MVB12B: variants seen among roughly 807,000 people sequenced by gnomAD.
MVB12B encodes ESCRT-I complex subunit MVB12B.
In MVB12B, 16 loss-of-function variants were observed where a neutral mutation model predicts 41.6. The observed-to-expected ratio is 0.38, with a 90% confidence interval of 0.26 to 0.58. The LOEUF (loss-of-function observed/expected upper bound fraction) is 0.58, where lower values mean the gene tolerates loss of function less well. Among genes scored for constraint, MVB12B ranks in the 20% least tolerant of loss-of-function variants. The pLI, the probability that MVB12B is intolerant of heterozygous loss-of-function variation, is 0.62. For synonymous variants in MVB12B, 133 were observed against 139.7 expected, an observed-to-expected ratio of 0.95 and a Z score of 0.34; for missense variants, 274 against 380.2, an observed-to-expected ratio of 0.72 and a Z score of 2.32.
rs184170867 is a variant in MVB12B, at chr9:126,503,728, C to T, written c.*465C>T. On this transcript the variant is annotated 3_prime_UTR_variant, in exon 10 of 10. Transcript: ENST00000361171. ...AGCTTTGCCTAGGACTCTCCAGGGT[C>T]GCTGATCCTCCCCGGCCCAGGGCTG... 19 of 169,328 alleles carry T rather than the reference C, an allele frequency of 1.1e-4. No individual in the cohort carries two copies. Among genetic ancestry groups the T allele is most frequent in the Middle Eastern group, 2.5e-3 (1 of 402 alleles). 10.5% of individuals were successfully genotyped at this position (169,328 alleles called of 1,614,324 possible). A position where few individuals can be genotyped will look rare whatever the true frequency, so the allele number is the denominator to read the frequency against.
chr9:126,385,776 A>G (rs1830770341), intron 3 of MVB12B, among the ~76,000 whole-genome samples: 1 of 152,210 alleles, frequency 6.6e-6, no homozygotes, highest in Non-Finnish European at 1.5e-5. Context: ...TGAAATCTCC[A>G]AAGTGGCCCC....
intron 8 of MVB12B, among the ~76,000 whole-genome samples, 171 bp from the exon 9 acceptor site, chr9:126,483,802 G>C (rs1448295475): frequency 6.6e-6 from 1 of 152,148 alleles, no homozygotes; most frequent in South Asian, 2.1e-4. Context: ...CACTTCTCCT[G>C]CCACCCCCAC....
At chr9:126,330,306 C>CAT (rs1437056408) in intron 1 of MVB12B, among the ~76,000 whole-genome samples, 1 of 150,022 alleles carries the variant, frequency 6.7e-6, no homozygotes, top group Non-Finnish European at 1.5e-5. Context: ...TCTTTCTTTA[C>CAT]ACACACACAC....
intron 1 of MVB12B, among the ~76,000 whole-genome samples, chr9:126,338,955 A>G (rs1829363148): frequency 6.6e-6 from 1 of 152,218 alleles, no homozygotes; most frequent in Non-Finnish European, 1.5e-5. Context: ...TGAAACTTGA[A>G]AACAGAAAAT....
At chr9:126,497,123 CCAGA>C (rs1279830755) in intron 9 of MVB12B, among the ~76,000 whole-genome samples, 15 of 152,128 alleles carry the variant, frequency 9.9e-5, no homozygotes, top group Non-Finnish European at 2.1e-4. Flanking sequence ...ACAGCAGTGC[CCAGA>C]CACACAGGCT....
In MVB12B at chr9:126,326,883, C is replaced by T. The variant is rs1828983724; in HGVS notation, c.-47C>T. Reference sequence around the variant, plus strand: ...TCGCGCTCGAGCTGCGGCGCCGGCTCCTGCCGCCTGGGCCCCGGGCCCGGC... The same window carrying T: ...TCGCGCTCGAGCTGCGGCGCCGGCTTCTGCCGCCTGGGCCCCGGGCCCGGC... On this transcript the variant is annotated 5_prime_UTR_variant, in exon 1 of 10. Transcript: ENST00000361171. 5.8e-6 allele frequency: 1 copy of T among 173,422 alleles called. No homozygotes were observed. The highest frequency in any genetic ancestry group is 1.2e-5 in the Non-Finnish European group (1 of 86,340). 10.7% of individuals were successfully genotyped at this position (173,422 alleles called of 1,614,324 possible). A position where few individuals can be genotyped will look rare whatever the true frequency, so the allele number is the denominator to read the frequency against.
chr9:126,340,562 T>TC lies in MVB12B; in HGVS notation c.137dup (p.Met47AsnfsTer21). On this transcript the variant is annotated frameshift_variant, in exon 2 of 10. Coordinates refer to ENST00000361171, the MANE Select transcript of MVB12B (RefSeq NM_033446.3). LOFTEE classifies it high-confidence loss of function. This position sits in a 1 kb window ranked among gnomAD's most constrained non-coding sequence, Gnocchi z 4.0. Reference sequence around the variant, plus strand: ...CCTCTCAGAAGCCTTGCCAGAAACGTCAATGGATCCCATCACGGGAGTCGG... The same window carrying TC: ...CCTCTCAGAAGCCTTGCCAGAAACGTCCAATGGATCCCATCACGGGAGTCGG... 1 of 1,614,180 alleles carries TC rather than the reference T, an allele frequency of 6.2e-7. No homozygotes were observed. Among genetic ancestry groups the TC allele is most frequent in the Non-Finnish European group, 8.5e-7 (1 of 1,180,008 alleles).
At chr9:126,488,409 T>C (rs10987301) in intron 9 of MVB12B, among the ~76,000 whole-genome samples, 88,242 of 150,620 alleles carry the variant, frequency 0.59, 26,277 homozygotes, top group African/African-American at 0.69. Flanking sequence ...TTCAGGGGCA[T>C]AGACCTTTGA....
At chr9:126,437,899 A>G (rs1471498854) in intron 7 of MVB12B, among the ~76,000 whole-genome samples, 1 of 152,180 alleles carries the variant, frequency 6.6e-6, no homozygotes, top group East Asian at 1.9e-4. Flanking sequence ...CCTTCTTATC[A>G]TGCTGTTTTA....
chr9:126,436,392 A>G lies in MVB12B; in HGVS notation c.757+14444A>G, dbSNP rs141916028. 7.2e-5 allele frequency among the ~76,000 whole-genome samples: 11 copies of G among 152,378 alleles called. No individual in the cohort carries two copies. The East Asian group carries it at 2.1e-3, about 29-fold the overall frequency. ...TGAACTTTGCAGAGCAGCAGTTCTT[A>G]TGCTAAAAACAGATTAATTGTAGCC... On this transcript the variant is annotated intron_variant, in intron 7 of 9. Transcript: ENST00000361171. This position sits in a 1 kb window ranked among gnomAD's most constrained non-coding sequence, Gnocchi z 4.1.
At chr9:126,330,703 T>G (rs1275127287) in intron 1 of MVB12B, among the ~76,000 whole-genome samples, 1 of 152,156 alleles carries the variant, frequency 6.6e-6, no homozygotes, top group African/African-American at 2.4e-5. Flanking sequence ...GCAACTAAGC[T>G]CCAGAACTTT....
chr9:126,431,530 C>A (rs533138450), intron 7 of MVB12B, among the ~76,000 whole-genome samples: 5 of 152,308 alleles, frequency 3.3e-5, no homozygotes, highest in Admixed American at 3.3e-4. Context: ...GTTAAGTCAT[C>A]ATGAAAAATA....
At chr9:126,363,478 C>T (rs149890837) in intron 2 of MVB12B, among the ~76,000 whole-genome samples, 14 of 152,284 alleles carry the variant, frequency 9.2e-5, no homozygotes, top group African/African-American at 3.4e-4. Flanking sequence ...TTCTTAAGGC[C>T]TATTGGATTG....
At position 126,409,299 on chromosome 9, in the gene MVB12B, C is replaced by CTGTGTGTGTG. The variant is rs61211126; in HGVS notation, c.663-12517_663-12508dup. On this transcript the variant is annotated intron_variant, in intron 6 of 9. Transcript: ENST00000361171. ...TTGTCATCACTTTTGGTGAGTAACT[C>CTGTGTGTGTG]TGTGTGTGTGTGTGTGTGTGTGTGT... 2.4e-3 allele frequency among the ~76,000 whole-genome samples: 333 copies of CTGTGTGTGTG among 138,112 alleles called. 2 individuals carry two copies. The highest frequency in any genetic ancestry group is 3.1e-3 in the Non-Finnish European group (197 of 64,360). The allele number at this position is 138,112 out of a possible 152,430, so 90.6% of individuals were successfully genotyped here.
chr9:126,356,431 A>G (rs1221391645), intron 2 of MVB12B, among the ~76,000 whole-genome samples: 2 of 152,088 alleles, frequency 1.3e-5, no homozygotes, highest in African/African-American at 4.8e-5. Flanking sequence ...TCTGTTGCGC[A>G]TGGATTTTTT....
At chr9:126,496,538 A>G (rs1423124801) in intron 9 of MVB12B, among the ~76,000 whole-genome samples, 1 of 135,806 alleles carries the variant, frequency 7.4e-6, no homozygotes, top group Non-Finnish European at 1.5e-5. Context: ...CTGAGGCTCC[A>G]CAGCTGCCCT....
At chr9:126,466,741 G>T (rs1833209112) in intron 7 of MVB12B, among the ~76,000 whole-genome samples, 1 of 152,148 alleles carries the variant, frequency 6.6e-6, no homozygotes, top group African/African-American at 2.4e-5. Flanking sequence ...TCTGGTGTTT[G>T]TGATCATTTC....
At position 126,333,889 on chromosome 9, in the gene MVB12B, TC is replaced by T. The variant is rs1171783434; in HGVS notation, c.82-6618del. 4.6e-5 allele frequency among the ~76,000 whole-genome samples: 7 copies of T among 150,750 alleles called. No individual in the cohort carries two copies. In the East Asian group the frequency reaches 5.8e-4, roughly 13 times the overall value. Reference sequence around the variant, plus strand: ...TCCATCCATCCATCCATCCATCCATTCGTTCATCAAATACCTGATGAATACC... The same window carrying T: ...TCCATCCATCCATCCATCCATCCATTGTTCATCAAATACCTGATGAATACC... On this transcript the variant is annotated intron_variant, in intron 1 of 9. Coordinates refer to ENST00000361171, the MANE Select transcript of MVB12B (RefSeq NM_033446.3). This position sits in a 1 kb window ranked among gnomAD's most constrained non-coding sequence, Gnocchi z 4.7.
chr9:126,426,422 C>T (rs1832177711), intron 7 of MVB12B, among the ~76,000 whole-genome samples: 1 of 152,106 alleles, frequency 6.6e-6, no homozygotes, highest in Non-Finnish European at 1.5e-5. Context: ...CTTTGGAGGG[C>T]CCTCTTCCGG....
Sources: allele counts gnomAD v4.1 joint callset (sites outside exome capture counted in the v4.1 genomes callset), GRCh38; gene constraint gnomAD v4.1.1; non-coding constraint Gnocchi (gnomAD v3.1); transcripts MANE v1.5; gene names NCBI Gene and HGNC (gene_info 2026-07-23, HGNC 2026-07-21).